PLXNA2: variants seen among roughly 807,000 people sequenced by gnomAD.
PLXNA2 encodes the protein plexin A2.
Under a neutral mutation model 193.5 loss-of-function variants are expected in PLXNA2, and 91 were observed. That is an observed-to-expected ratio of 0.47 (90% CI 0.40 to 0.56). The LOEUF (loss-of-function observed/expected upper bound fraction) is 0.56. Among genes scored for constraint, PLXNA2 ranks in the 20% least tolerant of loss-of-function variants. The pLI is 0.00. For missense variants in PLXNA2, 1,995 were observed against 2,503.2 expected (o/e 0.80, Z 4.33); for synonymous variants, 997 against 1,027.3 (o/e 0.97, Z 0.56).
In PLXNA2 at chr1:208,045,070, G is replaced by A. The variant is rs35172327; in HGVS notation, c.3636C>T (p.Val1212=). ...EPPNLTGQHK[V]MVHVGGMVFS... ...TACAGACGCAGGGCTCACTCACCAT[G>A]ACCTTGTGCTGCCCGGTGAGGTTGG... The change falls in exon 19 of 32, where the codon GTC becomes GTT. Residue 1212 remains valine (V), a synonymous_variant. Transcript: ENST00000367033. 2.1e-3 allele frequency: 3,324 copies of A among 1,614,090 alleles called. 57 individuals carry two copies. In the African/African-American group the frequency reaches 0.037, roughly 18 times the overall value.
chr1:208,080,162 G>A (rs1666289529), intron 11 of PLXNA2, among the ~76,000 whole-genome samples: 2 of 152,240 alleles, frequency 1.3e-5, no homozygotes, highest in African/African-American at 2.4e-5. Flanking sequence ...TCAGCTTGGG[G>A]TTAAAGAAAG....
At chr1:208,049,772 C>T (rs1448763958) in intron 17 of PLXNA2, among the ~76,000 whole-genome samples, 1 of 152,314 alleles carries the variant, frequency 6.6e-6, no homozygotes, top group East Asian at 1.9e-4. Context: ...CCTTCTAACA[C>T]TCTGTCATTT....
chr1:208,168,808 A>G (rs1469428130), intron 3 of PLXNA2, among the ~76,000 whole-genome samples: 3 of 134,524 alleles, frequency 2.2e-5, no homozygotes, highest in Admixed American at 9.1e-5. Flanking sequence ...CTAATGAGCC[A>G]TCTGTGGCCA....
At chr1:208,181,969 C>T (rs1448606253) in intron 3 of PLXNA2, among the ~76,000 whole-genome samples, 1 of 152,142 alleles carries the variant, frequency 6.6e-6, no homozygotes, top group Admixed American at 6.5e-5. Flanking sequence ...TCAACTCCTC[C>T]CTGCTCTAGC....
chr1:208,048,228 C>T (rs1243832957), intron 17 of PLXNA2, among the ~76,000 whole-genome samples: 3 of 152,202 alleles, frequency 2.0e-5, no homozygotes, highest in Admixed American at 2.0e-4. Context: ...CTGGGTTTGG[C>T]GGCTTCACTC....
chr1:208,204,783 C>T (rs925042560), intron 3 of PLXNA2, among the ~76,000 whole-genome samples: 3 of 152,186 alleles, frequency 2.0e-5, no homozygotes, highest in African/African-American at 7.2e-5. Context: ...GAGGTAGACA[C>T]CTTAACAGCT....
At chr1:208,143,138 T>C (rs1668504380) in intron 3 of PLXNA2, among the ~76,000 whole-genome samples, 1 of 152,238 alleles carries the variant, frequency 6.6e-6, no homozygotes, top group South Asian at 2.1e-4. Context: ...TAGAATCATC[T>C]GGGGAGCTTT....
In PLXNA2 at chr1:208,050,917, G is replaced by A. The variant is rs138160032; in HGVS notation, c.3255+92C>T. 1.5e-3 allele frequency: 1,322 copies of A among 863,642 alleles called. 12 individuals carry two copies. The African/African-American group carries it at 0.016, about 10-fold the overall frequency. 53.5% of individuals were successfully genotyped at this position (863,642 alleles called of 1,614,324 possible). On this transcript the variant is annotated intron_variant, in intron 17 of 31. Transcript: ENST00000367033. ...CAGTTTTCCTCTCCAGTATTCAGAGGCTCCAGTGCCTAACCCAGAGCTCAT... is the reference window on the plus strand; with the variant it reads ...CAGTTTTCCTCTCCAGTATTCAGAGACTCCAGTGCCTAACCCAGAGCTCAT...
chr1:208,120,971 G>A (rs1667789530), intron 4 of PLXNA2, among the ~76,000 whole-genome samples: 1 of 152,168 alleles, frequency 6.6e-6, no homozygotes, highest in South Asian at 2.1e-4. Flanking sequence ...TGAGCTATGG[G>A]TGTGCACTGG....
chr1:208,225,422 C>T (rs191257529), intron 1 of PLXNA2, among the ~76,000 whole-genome samples: 5 of 152,286 alleles, frequency 3.3e-5, no homozygotes, highest in Non-Finnish European at 7.4e-5. Context: ...CCCACATCAG[C>T]CCTAGGAACC....
At chr1:208,182,820 C>G (rs1669886362) in intron 3 of PLXNA2, among the ~76,000 whole-genome samples, 1 of 152,028 alleles carries the variant, frequency 6.6e-6, no homozygotes, top group Admixed American at 6.5e-5. Context: ...TCAGCCTCTC[C>G]TAGAGGAGAC....
At chr1:208,084,631 A>G (rs2102390904) in intron 9 of PLXNA2, 51 bp from the exon 10 acceptor site, 1 of 1,569,086 alleles carries the variant, frequency 6.4e-7, no homozygotes, top group African/African-American at 1.3e-5. Flanking sequence ...ATGCTGTCCT[A>G]TGTGCCTGGG....
At chr1:208,092,954 G>T in intron 8 of PLXNA2, 54 bp from the exon 9 acceptor site, 1 of 1,249,610 alleles carries the variant, frequency 8.0e-7, no homozygotes, top group Non-Finnish European at 1.2e-6. Context: ...GAGGGAAGGT[G>T]GCATGTGTCA....
At chr1:208,185,949 C>T (rs1046482761) in intron 3 of PLXNA2, among the ~76,000 whole-genome samples, 2 of 152,052 alleles carry the variant, frequency 1.3e-5, no homozygotes, top group Non-Finnish European at 2.9e-5. Flanking sequence ...ACTTAGCAAC[C>T]ACTGGGGCAG....
intron 3 of PLXNA2, among the ~76,000 whole-genome samples, chr1:208,177,148 T>A (rs1216533183): frequency 6.6e-6 from 1 of 152,242 alleles, no homozygotes; most frequent in Admixed American, 6.5e-5. Context: ...TATTCTATGA[T>A]GTTCCAATTG....
At chr1:208,213,754 A>G (rs1180982283) in intron 2 of PLXNA2, among the ~76,000 whole-genome samples, 1 of 152,206 alleles carries the variant, frequency 6.6e-6, no homozygotes, top group Non-Finnish European at 1.5e-5. Context: ...TCTTTGGAGT[A>G]TCAGGGTCTT....
intron 27 of PLXNA2, among the ~76,000 whole-genome samples, chr1:208,034,022 G>C (rs962049695): frequency 4.6e-5 from 7 of 152,198 alleles, no homozygotes; most frequent in African/African-American, 1.7e-4. Flanking sequence ...CATGAAACCA[G>C]AGCAAATAAA....
intron 4 of PLXNA2, among the ~76,000 whole-genome samples, chr1:208,134,490 T>C (rs1668246594): frequency 6.6e-6 from 1 of 152,194 alleles, no homozygotes; most frequent in Non-Finnish European, 1.5e-5. Flanking sequence ...GAAACACATG[T>C]GCATCAAAGC....
intron 12 of PLXNA2, among the ~76,000 whole-genome samples, chr1:208,072,033 G>C (rs1385668251): frequency 1.3e-5 from 2 of 152,216 alleles, no homozygotes; most frequent in South Asian, 2.1e-4. Context: ...TGAAAGTGGA[G>C]AACAGGAGCC....
Sources: allele counts gnomAD v4.1 joint callset (sites outside exome capture counted in the v4.1 genomes callset), GRCh38; gene constraint gnomAD v4.1.1; transcripts MANE v1.5; gene names NCBI Gene and HGNC (gene_info 2026-07-23, HGNC 2026-07-21).